UNC13C: variants seen among roughly 807,000 people sequenced by gnomAD.
UNC13C encodes the protein unc-13 homolog C.
UNC13C carries 174 observed loss-of-function variants against 245.4 expected under a neutral mutation model. That is an observed-to-expected ratio of 0.71 (90% CI 0.63 to 0.80). The LOEUF (loss-of-function observed/expected upper bound fraction) is 0.80. Among genes scored for constraint, UNC13C ranks in the 30% least tolerant of loss-of-function variants. The pLI, the probability that UNC13C is intolerant of heterozygous loss-of-function variation, is 0.00. For synonymous variants in UNC13C, 992 were observed against 895.1 expected (o/e 1.11, Z -1.93); for missense variants, 2,829 against 2,602.9 (o/e 1.09, Z -1.89).
At chr15:54,232,932 T>C (rs1048499384) in intron 4 of UNC13C, among the ~76,000 whole-genome samples, 1 of 151,990 alleles carries the variant, frequency 6.6e-6, no homozygotes, top group African/African-American at 2.4e-5. Context: ...TGTGGAAGGG[T>C]CAAGTATGAA....
At position 54,236,412 on chromosome 15, in the gene UNC13C, C is replaced by G; in HGVS notation, c.3151-18C>G. The G allele has an allele frequency of 6.3e-7, 1 of 1,588,336 alleles. No individual in the cohort carries two copies. The highest frequency in any genetic ancestry group is 8.5e-7 in the Non-Finnish European group (1 of 1,171,888). ...TAATTATTTACATTTTGTTTCCTCT[C>G]ACTTCTGGAATCTTCAGGCCATGGT... On this transcript the variant is annotated intron_variant, in intron 5 of 32. Coordinates refer to ENST00000260323, the MANE Select transcript of UNC13C (RefSeq NM_001080534.3).
intron 14 of UNC13C, among the ~76,000 whole-genome samples, chr15:54,330,180 G>T (rs2038402984): frequency 6.6e-6 from 1 of 152,030 alleles, no homozygotes; most frequent in African/African-American, 2.4e-5. Context: ...AAGTCTGAAT[G>T]CTATACCTAA....
At chr15:53,994,719 G>A (rs1336884980) in intron 1 of UNC13C, among the ~76,000 whole-genome samples, 1 of 152,162 alleles carries the variant, frequency 6.6e-6, no homozygotes, top group Non-Finnish European at 1.5e-5. Context: ...CAATAGTCAA[G>A]TGTAAATCTG....
chr15:54,237,508 C>T lies in UNC13C; in HGVS notation c.3157-111C>T, dbSNP rs1372572613. The stretch of plus-strand genomic sequence containing the variant: ...TACCAAAATGGCAGGTCCTTACTAA[C>T]TAAAATATGAACAGTGATAGCCCAT... On this transcript the variant is annotated intron_variant, in intron 6 of 32. Transcript: ENST00000260323. The T allele has an allele frequency of 3.6e-6, 3 of 830,690 alleles. No individual in the cohort carries two copies. In the Admixed American group the frequency reaches 6.0e-5, roughly 17 times the overall value. The allele number at this position is 830,690 out of a possible 1,614,324, so 51.5% of individuals were successfully genotyped here. A position where few individuals can be genotyped will look rare whatever the true frequency, so the allele number is the denominator to read the frequency against.
At chr15:54,499,230 T>C (rs918862283) in intron 20 of UNC13C, among the ~76,000 whole-genome samples, 2 of 152,008 alleles carry the variant, frequency 1.3e-5, no homozygotes, top group Non-Finnish European at 2.9e-5. Flanking sequence ...TGGGATGTGC[T>C]GCACAGTTTT....
chr15:54,234,887 T>C, intron 4 of UNC13C, 143 bp from the exon 5 acceptor site: 1 of 682,498 alleles, frequency 1.5e-6, no homozygotes, highest in Non-Finnish European at 2.5e-6. Context: ...TAGAAGCTTG[T>C]ATCTTTGCAG....
chr15:54,478,380 C>G (rs1196560122), intron 19 of UNC13C, among the ~76,000 whole-genome samples: 51 of 113,890 alleles, frequency 4.5e-4, no homozygotes, highest in African/African-American at 1.0e-3. Flanking sequence ...TCTTGCTTTT[C>G]TAGTCCTTTT....
Position 54,014,653 on chromosome 15 carries a change from C to G in UNC13C, c.1750C>G (p.Arg584Gly). ...NGSSLLSSSD[R>G]ELWQRKQEGT... Reference sequence around the variant, plus strand: ...AAGCTCTCTCCTGTCATCTTCGGACCGGGAGCTATGGCAGAGGAAACAGGA... The same window carrying G: ...AAGCTCTCTCCTGTCATCTTCGGACGGGGAGCTATGGCAGAGGAAACAGGA... Residue 584 changes from arginine (R) to glycine (G), a missense_variant, in exon 2 of 33, where the codon CGG (arginine) becomes GGG (glycine). Physicochemically the swap from Arg to Gly is moderately radical, Grantham distance 125 (BLOSUM62 -2). Coordinates refer to ENST00000260323, the MANE Select transcript of UNC13C (RefSeq NM_001080534.3). 6.2e-7 allele frequency: 1 copy of G among 1,613,428 alleles called. No homozygotes were observed. Among genetic ancestry groups the G allele is most frequent in the Non-Finnish European group, 8.5e-7 (1 of 1,179,714 alleles).
intron 18 of UNC13C, among the ~76,000 whole-genome samples, chr15:54,410,773 T>C (rs1828533): frequency 4.6e-5 from 7 of 151,908 alleles, no homozygotes. Context: ...TGTAGTATAA[T>C]TTGAAGTTAG....
the UNC13C span, among the ~76,000 whole-genome samples, chr15:53,924,890 G>A: frequency 9.2e-5 from 14 of 152,026 alleles, no homozygotes; most frequent in African/African-American, 2.4e-4. Flanking sequence ...CCTTTAAGAT[G>A]GAATGTTGTT....
chr15:54,566,834 C>G (rs1451837755), intron 29 of UNC13C, among the ~76,000 whole-genome samples: 1 of 152,154 alleles, frequency 6.6e-6, no homozygotes, highest in South Asian at 2.1e-4. Context: ...GAGAGCGTCT[C>G]TGAATAATTT....
At chr15:54,125,854 T>A (rs989028946) in intron 2 of UNC13C, among the ~76,000 whole-genome samples, 2 of 152,204 alleles carry the variant, frequency 1.3e-5, no homozygotes, top group Non-Finnish European at 2.9e-5. Flanking sequence ...ACAGATACTA[T>A]TGCTTTATTA....
chr15:54,532,989 C>A lies in UNC13C; in HGVS notation c.5619C>A (p.Asn1873Lys). The A allele has an allele frequency of 1.3e-6, 2 of 1,599,528 alleles. No individual in the cohort carries two copies. Among genetic ancestry groups the A allele is most frequent in the Non-Finnish European group, 1.7e-6 (2 of 1,171,412 alleles). ...TAAATCAAATGAGAGCAAATGGAAA[C>A]ACCACATCTAATAAGAACAGTGCAG... ...FELNQMRANG[N>K]TTSNKNSAAM... The change falls in exon 26 of 33, where the codon AAC (asparagine) becomes AAA (lysine). Residue 1873 changes from asparagine (N) to lysine (K), a missense_variant. By Grantham distance (94) the Asn-to-Lys change is moderately conservative. Coordinates refer to ENST00000260323, the MANE Select transcript of UNC13C (RefSeq NM_001080534.3).
the UNC13C span, among the ~76,000 whole-genome samples, chr15:53,875,237 G>A: frequency 6.6e-6 from 1 of 152,214 alleles, no homozygotes; most frequent in Non-Finnish European, 1.5e-5. Context: ...CTAAAGTTGT[G>A]AGGAGAAAGA....
At chr15:54,554,238 T>G (rs1193440343) in intron 28 of UNC13C, among the ~76,000 whole-genome samples, 1 of 152,068 alleles carries the variant, frequency 6.6e-6, no homozygotes, top group Non-Finnish European at 1.5e-5. Context: ...GAGACATAGA[T>G]AGATTATTAT....
chr15:54,507,197 A>G lies in UNC13C; in HGVS notation c.5379+3A>G, dbSNP rs778594003. The G allele has an allele frequency of 2.2e-5, 35 of 1,573,244 alleles. No individual in the cohort carries two copies. The highest frequency in any genetic ancestry group is 1.7e-4 in the Middle Eastern group (1 of 6,010). Reference sequence around the variant, plus strand: ...CACATTGTGATAAGGAAAATGTGGTAAGTAAAAAATGTCTCTACTTTCAAG... The same window carrying G: ...CACATTGTGATAAGGAAAATGTGGTGAGTAAAAAATGTCTCTACTTTCAAG... On this transcript the variant is annotated splice_donor_region_variant and intron_variant, in intron 23 of 32. Transcript: ENST00000260323.
At chr15:54,534,418 A>G (rs574191540) in intron 26 of UNC13C, among the ~76,000 whole-genome samples, 1 of 152,282 alleles carries the variant, frequency 6.6e-6, no homozygotes, top group Non-Finnish European at 1.5e-5. Flanking sequence ...AAGAATATAA[A>G]AGCAAAAAAA....
the UNC13C span, among the ~76,000 whole-genome samples, chr15:53,847,394 T>C: frequency 6.6e-6 from 1 of 151,962 alleles, no homozygotes; most frequent in Non-Finnish European, 1.5e-5. Context: ...TTAGTTCTTG[T>C]TGCCTAGGCT....
At chr15:54,532,013 T>A (rs945074907) in intron 25 of UNC13C, among the ~76,000 whole-genome samples, 2 of 150,274 alleles carry the variant, frequency 1.3e-5, no homozygotes, top group African/African-American at 5.0e-5. Context: ...GTGGCAGTAC[T>A]TCATTTTTCT....
Sources: allele counts gnomAD v4.1 joint callset (sites outside exome capture counted in the v4.1 genomes callset), GRCh38; gene constraint gnomAD v4.1.1; transcripts MANE v1.5; gene names NCBI Gene and HGNC (gene_info 2026-07-23, HGNC 2026-07-21).